DLG2: variants seen among roughly 807,000 people sequenced by gnomAD.
DLG2 encodes discs large MAGUK scaffold protein 2.
DLG2 carries 45 observed loss-of-function variants against 132.5 expected under a neutral mutation model. That is an observed-to-expected ratio of 0.34 (90% CI 0.27 to 0.44). DLG2 has a LOEUF of 0.44. Among genes scored for constraint, DLG2 ranks in the 20% least tolerant of loss-of-function variants. The pLI, the probability that DLG2 is intolerant of heterozygous loss-of-function variation, is 1.00. For missense variants in DLG2, 1,045 were observed against 1,196.9 expected (o/e 0.87, Z 1.87); for synonymous variants, 424 against 419.6 (o/e 1.01, Z -0.13).
At chr11:83,546,472 G>C (rs912249671) in intron 19 of DLG2, among the ~76,000 whole-genome samples, 1 of 152,054 alleles carries the variant, frequency 6.6e-6, no homozygotes, top group Non-Finnish European at 1.5e-5. Context: ...AACGCAAAAG[G>C]GTGCTGCGGA....
At chr11:84,102,773 G>C (rs1054589484) in intron 9 of DLG2, among the ~76,000 whole-genome samples, 1 of 152,114 alleles carries the variant, frequency 6.6e-6, no homozygotes, top group African/African-American at 2.4e-5. Flanking sequence ...ATTTAGTGGG[G>C]GAAGTAGATC....
At chr11:85,035,167 G>T (rs1250387133) in intron 6 of DLG2, among the ~76,000 whole-genome samples, 1 of 152,144 alleles carries the variant, frequency 6.6e-6, no homozygotes, top group Non-Finnish European at 1.5e-5. Flanking sequence ...AATCTGTCTA[G>T]AATACTTGGC....
At position 84,332,955 on chromosome 11, in the gene DLG2, C is replaced by G. The variant is rs111243963; in HGVS notation, c.520-81664G>C. On this transcript the variant is annotated intron_variant, in intron 7 of 27. Coordinates refer to ENST00000376104, the MANE Select transcript of DLG2 (RefSeq NM_001142699.3). ...AAGTCTCAATTACACAGCTACAATACAGACTCTTGTTGAGACCCAGTAGAA... is the reference window on the plus strand; with the variant it reads ...AAGTCTCAATTACACAGCTACAATAGAGACTCTTGTTGAGACCCAGTAGAA... 4.7e-4 allele frequency among the ~76,000 whole-genome samples: 71 copies of G among 152,282 alleles called. 2 individuals are homozygous for G. The highest frequency in any genetic ancestry group is 1.5e-3 in the African/African-American group (63 of 41,560).
At chr11:84,801,351 C>T (rs999195736) in intron 6 of DLG2, among the ~76,000 whole-genome samples, 1 of 152,100 alleles carries the variant, frequency 6.6e-6, no homozygotes, top group Non-Finnish European at 1.5e-5. Flanking sequence ...GGGCGGATCA[C>T]GAGGTCAGGA....
At chr11:85,292,316 GA>G (rs947722500) in intron 3 of DLG2, among the ~76,000 whole-genome samples, 1 of 151,940 alleles carries the variant, frequency 6.6e-6, no homozygotes, top group African/African-American at 2.4e-5. Context: ...GTTTCTTTAA[GA>G]ATATTACCTG....
chr11:84,737,820 A>G (rs1424918827), intron 6 of DLG2, among the ~76,000 whole-genome samples: 2 of 152,178 alleles, frequency 1.3e-5, no homozygotes, highest in East Asian at 3.9e-4. Flanking sequence ...TTGGGGGTAG[A>G]TCAGATATGG....
intron 19 of DLG2, among the ~76,000 whole-genome samples, chr11:83,599,092 C>T (rs2058096136): frequency 6.6e-6 from 1 of 152,192 alleles, no homozygotes; most frequent in Non-Finnish European, 1.5e-5. Flanking sequence ...CCAAGTCCTT[C>T]CTTGGCACTT....
chr11:85,435,279 C>T (rs2091415809), intron 3 of DLG2, among the ~76,000 whole-genome samples: 1 of 152,124 alleles, frequency 6.6e-6, no homozygotes, highest in Non-Finnish European at 1.5e-5. Context: ...CCCTTTCTCA[C>T]CACTCCTATT....
At chr11:84,262,890 T>G (rs1179852036) in intron 7 of DLG2, among the ~76,000 whole-genome samples, 1 of 152,160 alleles carries the variant, frequency 6.6e-6, no homozygotes, top group Non-Finnish European at 1.5e-5. Flanking sequence ...GTGTTCCTAT[T>G]TTTAATAGAA....
In DLG2 at chr11:85,610,835, C is replaced by T. The variant is rs78618585; in HGVS notation, c.-92-12047G>A. Reference sequence around the variant, plus strand: ...TACAGCCTATACTGGCTTATCATCACCCTAAGACATTAAAACAGTTGCAGG... The same window carrying T: ...TACAGCCTATACTGGCTTATCATCATCCTAAGACATTAAAACAGTTGCAGG... On this transcript the variant is annotated intron_variant, in intron 2 of 27. Transcript: ENST00000376104. 2.6e-5 allele frequency among the ~76,000 whole-genome samples: 4 copies of T among 152,218 alleles called. No homozygotes were observed. In the East Asian group the frequency reaches 7.7e-4, roughly 29 times the overall value.
chr11:84,351,188 C>CT (rs1259273041), intron 7 of DLG2, among the ~76,000 whole-genome samples: 2 of 151,812 alleles, frequency 1.3e-5, no homozygotes, highest in African/African-American at 2.4e-5. Flanking sequence ...ATCATGGTTT[C>CT]TTTTTTCATT....
intron 4 of DLG2, among the ~76,000 whole-genome samples, chr11:85,222,288 A>T (rs114677544): frequency 0.024 from 3,729 of 152,214 alleles, 67 homozygotes; most frequent in Admixed American, 0.039. Context: ...TTCAAAGAGG[A>T]TAAATAATAT....
At chr11:85,372,840 G>A (rs2085095241) in intron 3 of DLG2, among the ~76,000 whole-genome samples, 1 of 152,142 alleles carries the variant, frequency 6.6e-6, no homozygotes, top group South Asian at 2.1e-4. Context: ...TCTCCCTGAA[G>A]TACCCCTGGT....
chr11:84,540,079 A>G (rs2099364494), intron 6 of DLG2, among the ~76,000 whole-genome samples: 1 of 152,232 alleles, frequency 6.6e-6, no homozygotes, highest in Non-Finnish European at 1.5e-5. Flanking sequence ...ACCTAAAACC[A>G]TAAAAACCCT....
At chr11:84,468,255 A>C (rs1372397200) in intron 7 of DLG2, among the ~76,000 whole-genome samples, 1 of 151,496 alleles carries the variant, frequency 6.6e-6, no homozygotes, top group Non-Finnish European at 1.5e-5. Context: ...GGTTTAGTGC[A>C]CATGTGATTA....
intron 8 of DLG2, among the ~76,000 whole-genome samples, chr11:84,179,049 C>G (rs1015675415): frequency 6.6e-6 from 1 of 151,710 alleles, no homozygotes; most frequent in Non-Finnish European, 1.5e-5. Flanking sequence ...AATTAGCTAA[C>G]AAAAACATCA....
chr11:85,429,126 G>T (rs2153009116), intron 3 of DLG2, among the ~76,000 whole-genome samples: 1 of 152,262 alleles, frequency 6.6e-6, no homozygotes, highest in African/African-American at 2.4e-5. Context: ...TGAAATTGAG[G>T]CAATAATTAA....
At chr11:85,118,620 T>C (rs925762165) in intron 5 of DLG2, among the ~76,000 whole-genome samples, 17 of 152,006 alleles carry the variant, frequency 1.1e-4, no homozygotes, top group Admixed American at 7.2e-4. Context: ...AGATGTATGA[T>C]GAAATAATAC....
rs138650246 is a variant in DLG2 at position 84,869,647 on chromosome 11, A to T, written c.357+242014T>A. 7.2e-4 allele frequency among the ~76,000 whole-genome samples: 109 copies of T among 152,330 alleles called. 1 individual carries two copies. The highest frequency in any genetic ancestry group is 2.4e-3 in the African/African-American group (101 of 41,576). ...ATTAAAGGCTCCTGACAAAATTGCC[A>T]CTAAGAGAAACCCTACAATAAATCA... is the stretch of plus-strand genomic sequence containing the variant. On this transcript the variant is annotated intron_variant, in intron 6 of 27. Coordinates refer to ENST00000376104, the MANE Select transcript of DLG2 (RefSeq NM_001142699.3).
Sources: gnomAD v4.1 joint callset for allele counts (sites outside exome capture counted in the v4.1 genomes callset) on GRCh38, gnomAD v4.1.1 for gene constraint, MANE v1.5 for transcripts, NCBI Gene and HGNC (gene_info 2026-07-23, HGNC 2026-07-21) for gene names.